Variants in RBFOX1 observed in about 807,000 individuals in gnomAD.
RBFOX1 encodes the protein RNA binding fox-1 homolog 1, also known as RNA binding protein fox-1 homolog 1.
RBFOX1 carries 8 observed loss-of-function variants against 57.7 expected under a neutral mutation model. The ratio of observed to expected loss-of-function variants is 0.14; its 90% CI spans 0.08 to 0.25. The LOEUF (loss-of-function observed/expected upper bound fraction) is 0.25, where lower values mean the gene tolerates loss of function less well. Among genes scored for constraint, RBFOX1 ranks in the 10% least tolerant of loss-of-function variants. The pLI is 1.00. For missense variants in RBFOX1, 611 were observed against 548.5 expected, an observed-to-expected ratio of 1.11 and a Z score of -1.14; for synonymous variants, 326 against 222.4, an observed-to-expected ratio of 1.47 and a Z score of -4.15.
chr16:7,513,168 C>T (rs1431315862), intron 4 of RBFOX1, among the ~76,000 whole-genome samples: 1 of 152,042 alleles, frequency 6.6e-6, no homozygotes, highest in East Asian at 1.9e-4. Flanking sequence ...GAGGCTGAGG[C>T]AGGAGAATCA....
chr16:5,243,326 G>A (rs1342574481), intron 1 of RBFOX1, among the ~76,000 whole-genome samples: 16 of 152,180 alleles, frequency 1.1e-4, no homozygotes, highest in Non-Finnish European at 1.6e-4. Flanking sequence ...AATCCCTGAT[G>A]GACGCACCAG....
intron 3 of RBFOX1, among the ~76,000 whole-genome samples, chr16:6,836,366 A>C (rs1312537337): frequency 1.3e-5 from 2 of 152,208 alleles, no homozygotes; most frequent in East Asian, 3.9e-4. Context: ...TGAAACACAC[A>C]GCAACAGAAG....
At chr16:6,977,915 T>C (rs2087512088) in intron 3 of RBFOX1, among the ~76,000 whole-genome samples, 1 of 131,908 alleles carries the variant, frequency 7.6e-6, no homozygotes, top group South Asian at 2.6e-4. Context: ...AAGAGGAAAC[T>C]GCCTCTTCCA....
intron 3 of RBFOX1, among the ~76,000 whole-genome samples, chr16:6,984,213 C>G (rs1250124287): frequency 6.6e-6 from 1 of 152,162 alleles, no homozygotes; most frequent in Non-Finnish European, 1.5e-5. Context: ...TGCCATTGCA[C>G]TCCAGCCTAC....
At chr16:5,826,034 GTAATATGAATAAGGAATAATATTCCT>G (rs1555537940) in intron 3 of RBFOX1, among the ~76,000 whole-genome samples, 3 of 4,356 alleles carry the variant, frequency 6.9e-4, no homozygotes, top group African/African-American at 1.8e-3. Context: ...ATAATATTCC[GTAATATGAATAAGGAATAATATTCCT>G]TAATATGAAT....
chr16:6,042,242 A>C (rs1289593949), intron 1 of RBFOX1, among the ~76,000 whole-genome samples: 5 of 135,792 alleles, frequency 3.7e-5, no homozygotes, highest in Admixed American at 2.2e-4. Flanking sequence ...CTGGGACTAC[A>C]GGCACACACC....
chr16:6,317,315 G>A (rs192979793), intron 2 of RBFOX1, among the ~76,000 whole-genome samples: 1 of 152,076 alleles, frequency 6.6e-6, no homozygotes, highest in African/African-American at 2.4e-5. Context: ...GCCTTTATTA[G>A]CTGGGGATTA....
chr16:6,685,520 T>C (rs936065030), intron 3 of RBFOX1, among the ~76,000 whole-genome samples: 2 of 148,460 alleles, frequency 1.3e-5, no homozygotes, highest in African/African-American at 5.0e-5. Context: ...ACTCCTCACC[T>C]CCGGTGATCC....
At chr16:6,947,325 T>C (rs2079746046) in intron 3 of RBFOX1, among the ~76,000 whole-genome samples, 1 of 152,134 alleles carries the variant, frequency 6.6e-6, no homozygotes, top group African/African-American at 2.4e-5. Flanking sequence ...GATTTAACAG[T>C]CTTTAAGAGA....
In RBFOX1 at chr16:5,840,839, C is replaced by T. The variant is rs536034796; in HGVS notation, c.319-26464C>T. Among the ~76,000 whole-genome samples, 35 of 152,154 alleles carry T rather than the reference C, an allele frequency of 2.3e-4. No homozygotes were observed. In the South Asian group the frequency reaches 3.1e-3, roughly 14 times the overall value. On this transcript the variant is annotated intron_variant, in intron 3 of 19. Coordinates refer to the RBFOX1 transcript ENST00000641259. The stretch of plus-strand genomic sequence containing the variant: ...CTAGGGGAACCACTCTCAGTGTTGC[C>T]GAGAGCCAGTGCCTGTCTGGGTGAG...
intron 3 of RBFOX1, among the ~76,000 whole-genome samples, chr16:5,829,117 G>A (rs777681453): frequency 1.2e-4 from 18 of 152,136 alleles, no homozygotes; most frequent in Non-Finnish European, 2.2e-4. Flanking sequence ...CACTCAGGAG[G>A]AGACCACTCA....
At chr16:6,806,817 A>AATATATAAATAT (rs1366370826) in intron 3 of RBFOX1, among the ~76,000 whole-genome samples, 51 of 85,068 alleles carry the variant, frequency 6.0e-4, no homozygotes, top group Admixed American at 1.5e-3. Flanking sequence ...TAAATATATA[A>AATATATAAATAT]ATATATATAT....
chr16:5,965,163 T>C (rs75703658), intron 4 of RBFOX1, among the ~76,000 whole-genome samples: 3,911 of 152,244 alleles, frequency 0.026, 166 homozygotes, highest in African/African-American at 0.089. Context: ...TGCTAGCCAC[T>C]CTGTTTATAC....
At chr16:5,864,173 T>G (rs1168738405) in intron 3 of RBFOX1, among the ~76,000 whole-genome samples, 1 of 152,206 alleles carries the variant, frequency 6.6e-6, no homozygotes, top group Non-Finnish European at 1.5e-5. Flanking sequence ...TCTGTTGCTG[T>G]GTTAGTTTGC....
At chr16:7,042,971 G>C (rs2046670714) in intron 3 of RBFOX1, among the ~76,000 whole-genome samples, 1 of 152,128 alleles carries the variant, frequency 6.6e-6, no homozygotes, top group South Asian at 2.1e-4. Context: ...TACTTTCCTA[G>C]CAGCATAGTT....
At chr16:7,218,062 C>A (rs940574584) in intron 4 of RBFOX1, among the ~76,000 whole-genome samples, 6 of 132,894 alleles carry the variant, frequency 4.5e-5, no homozygotes, top group Non-Finnish European at 6.3e-5. Flanking sequence ...CATGCGTGTG[C>A]GTGTGTGTGT....
intron 11 of RBFOX1, among the ~76,000 whole-genome samples, chr16:7,631,498 T>G (rs2060955079): frequency 6.6e-6 from 1 of 152,228 alleles, no homozygotes; most frequent in South Asian, 2.1e-4. Context: ...GGTATACCCC[T>G]TCTTAAAGAA....
At chr16:6,501,250 A>T (rs544951963) in intron 2 of RBFOX1, among the ~76,000 whole-genome samples, 15 of 145,068 alleles carry the variant, frequency 1.0e-4, no homozygotes, top group African/African-American at 3.9e-4. Flanking sequence ...TCAACTCTTC[A>T]TTTAGCATTA....
chr16:5,328,189 A>C (rs1454558116), intron 1 of RBFOX1, among the ~76,000 whole-genome samples: 1 of 152,138 alleles, frequency 6.6e-6, no homozygotes, highest in Non-Finnish European at 1.5e-5. Flanking sequence ...TCTGAATATG[A>C]CTTACTTGGA....
Sources: gnomAD v4.1 joint callset for allele counts (sites outside exome capture counted in the v4.1 genomes callset) on GRCh38, gnomAD v4.1.1 for gene constraint, MANE v1.5 for transcripts, NCBI Gene and HGNC (gene_info 2026-07-23, HGNC 2026-07-21) for gene names.